Variants in CAMK4 observed in about 807,000 individuals in gnomAD.
CAMK4 encodes the protein calcium/calmodulin dependent protein kinase IV.
In CAMK4, 22 loss-of-function variants were observed where a neutral mutation model predicts 44.9. The observed-to-expected ratio is 0.49, with a 90% confidence interval of 0.35 to 0.70. CAMK4 has a LOEUF of 0.70. Ranked by LOEUF, CAMK4 falls within the 30% of genes least tolerant of loss-of-function variation. The pLI is 0.01. For synonymous variants in CAMK4, 218 were observed against 215.4 expected (o/e 1.01, Z -0.11); for missense variants, 498 against 586.8 (o/e 0.85, Z 1.56).
intron 5 of CAMK4, among the ~76,000 whole-genome samples, chr5:111,435,937 A>G (rs1260842093): frequency 6.6e-6 from 1 of 152,164 alleles, no homozygotes; most frequent in Non-Finnish European, 1.5e-5. Context: ...AATAAATATT[A>G]TATGCTGATT....
intron 1 of CAMK4, among the ~76,000 whole-genome samples, chr5:111,295,392 A>G (rs1458839257): frequency 6.6e-6 from 1 of 152,206 alleles, no homozygotes; most frequent in Non-Finnish European, 1.5e-5. Flanking sequence ...TGCTGCTGCA[A>G]ACTTGAAAGT....
At chr5:111,319,294 G>C (rs1468268755) in intron 1 of CAMK4, among the ~76,000 whole-genome samples, 2 of 152,160 alleles carry the variant, frequency 1.3e-5, no homozygotes, top group African/African-American at 4.8e-5. Context: ...ACTTCCACAA[G>C]AGACTGTGTG....
chr5:111,287,780 T>C (rs1309870034), intron 1 of CAMK4, among the ~76,000 whole-genome samples: 1 of 152,158 alleles, frequency 6.6e-6, no homozygotes, highest in Admixed American at 6.5e-5. Flanking sequence ...AATTAAAAAT[T>C]ACATCCTAAC....
intron 5 of CAMK4, among the ~76,000 whole-genome samples, chr5:111,440,043 G>C (rs1356792153): frequency 1.3e-5 from 2 of 152,232 alleles, no homozygotes; most frequent in Non-Finnish European, 2.9e-5. Context: ...AAATAATTGA[G>C]TATAGCCAGA....
chr5:111,369,001 C>A (rs2112811230), intron 2 of CAMK4, among the ~76,000 whole-genome samples: 1 of 150,246 alleles, frequency 6.7e-6, no homozygotes, highest in East Asian at 2.0e-4. Flanking sequence ...GGAGTACTGA[C>A]TCTCAAAGTT....
At chr5:111,287,745 A>G (rs572905552) in intron 1 of CAMK4, among the ~76,000 whole-genome samples, 1 of 152,204 alleles carries the variant, frequency 6.6e-6, no homozygotes, top group Admixed American at 6.5e-5. Flanking sequence ...AGTGTTTAAA[A>G]GGTGGTTCTG....
chr5:111,281,346 A>G (rs934117644), intron 1 of CAMK4, among the ~76,000 whole-genome samples: 1 of 152,254 alleles, frequency 6.6e-6, no homozygotes, highest in Non-Finnish European at 1.5e-5. Context: ...ATAGCTTAAT[A>G]TAACTAGAAT....
intron 1 of CAMK4, among the ~76,000 whole-genome samples, chr5:111,233,601 T>C (rs1200508831): frequency 1.3e-5 from 2 of 152,224 alleles, no homozygotes; most frequent in African/African-American, 4.8e-5. Context: ...AGGTTTCAAA[T>C]TGATAATTCC....
intron 5 of CAMK4, among the ~76,000 whole-genome samples, chr5:111,412,793 A>G (rs1029800570): frequency 2.0e-5 from 3 of 152,212 alleles, no homozygotes; most frequent in African/African-American, 4.8e-5. Context: ...TATCACTGCC[A>G]TGGCTACACC....
At chr5:111,330,189 T>A (rs926139243) in intron 1 of CAMK4, among the ~76,000 whole-genome samples, 14 of 151,150 alleles carry the variant, frequency 9.3e-5, no homozygotes, top group African/African-American at 3.4e-4. Context: ...AAATAAGTTG[T>A]ATTTATATAT....
chr5:111,319,128 G>C (rs761565648), intron 1 of CAMK4, among the ~76,000 whole-genome samples: 4 of 152,196 alleles, frequency 2.6e-5, no homozygotes, highest in Non-Finnish European at 5.9e-5. Context: ...ACACTGGAGA[G>C]ACACATGCAC....
At chr5:111,432,681 T>TATATAC (rs1753501082) in intron 5 of CAMK4, among the ~76,000 whole-genome samples, 3 of 146,140 alleles carry the variant, frequency 2.1e-5, no homozygotes, top group Non-Finnish European at 3.0e-5. Context: ...TATATATATA[T>TATATAC]ACATTTATGT....
intron 2 of CAMK4, chr5:111,365,357 T>C (rs1241694519): frequency 6.6e-6 from 1 of 152,094 alleles, no homozygotes; most frequent in Non-Finnish European, 1.5e-5. Flanking sequence ...GATGTTGTCA[T>C]GGAAATGAGT....
chr5:111,247,989 G>A (rs1204891865), intron 1 of CAMK4, among the ~76,000 whole-genome samples: 1 of 152,156 alleles, frequency 6.6e-6, no homozygotes, highest in Admixed American at 6.5e-5. Context: ...GTTTTTAACT[G>A]TTTCTCATAC....
At chr5:111,461,538 C>A (rs918273095) in intron 7 of CAMK4, among the ~76,000 whole-genome samples, 1 of 152,148 alleles carries the variant, frequency 6.6e-6, no homozygotes, top group East Asian at 1.9e-4. Context: ...GGAGTCTGCC[C>A]AACTGTGGGC....
intron 5 of CAMK4, among the ~76,000 whole-genome samples, chr5:111,401,008 C>T (rs1752203174): frequency 1.3e-5 from 2 of 152,312 alleles, no homozygotes; most frequent in East Asian, 1.9e-4. Context: ...CATTATCCCC[C>T]ACTGATACAG....
At chr5:111,297,435 C>A (rs1330271644) in intron 1 of CAMK4, among the ~76,000 whole-genome samples, 1 of 152,146 alleles carries the variant, frequency 6.6e-6, no homozygotes, top group Non-Finnish European at 1.5e-5. Context: ...TAATTCACCT[C>A]CAATTGACAT....
intron 1 of CAMK4, among the ~76,000 whole-genome samples, chr5:111,310,745 A>T (rs1748166723): frequency 6.6e-6 from 1 of 152,330 alleles, no homozygotes; most frequent in Non-Finnish European, 1.5e-5. Context: ...CTTCTACTGA[A>T]TTATAAAAAG....
chr5:111,269,812 G>T (rs1750425169), intron 1 of CAMK4, among the ~76,000 whole-genome samples: 1 of 152,164 alleles, frequency 6.6e-6, no homozygotes, highest in South Asian at 2.1e-4. Flanking sequence ...GGCATACAAG[G>T]CTGTCCATGG....
Sources: allele counts gnomAD v4.1 joint callset (sites outside exome capture counted in the v4.1 genomes callset), GRCh38; gene constraint gnomAD v4.1.1; transcripts MANE v1.5; gene names NCBI Gene and HGNC (gene_info 2026-07-23, HGNC 2026-07-21).